FHIT: variants seen among roughly 807,000 people sequenced by gnomAD.
FHIT encodes fragile histidine triad diadenosine triphosphatase.
In FHIT, 19 loss-of-function variants were observed where a neutral mutation model predicts 17.9. The observed-to-expected ratio is 1.06, with a 90% confidence interval of 0.74 to 1.56. The LOEUF (loss-of-function observed/expected upper bound fraction) is 1.56, where lower values mean the gene tolerates loss of function less well. FHIT is among the 40% of genes most tolerant of loss of function. The pLI, the probability that FHIT is intolerant of heterozygous loss-of-function variation, is 0.00. For missense variants in FHIT, 248 were observed against 189.2 expected (o/e 1.31, Z -1.82); for synonymous variants, 81 against 69.7 (o/e 1.16, Z -0.81).
chr3:60,394,769 G>A (rs1269195684), intron 5 of FHIT, among the ~76,000 whole-genome samples: 1 of 152,154 alleles, frequency 6.6e-6, no homozygotes, highest in Non-Finnish European at 1.5e-5. Context: ...AACATTAACT[G>A]TGCTGCTGTC....
intron 2 of FHIT, among the ~76,000 whole-genome samples, chr3:61,193,466 G>A (rs531988091): frequency 6.6e-6 from 1 of 152,282 alleles, no homozygotes; most frequent in Admixed American, 6.5e-5. Context: ...GCCTCTCATG[G>A]TGACCAGAGT....
intron 8 of FHIT, among the ~76,000 whole-genome samples, chr3:59,894,197 A>T (rs921320661): frequency 1.1e-4 from 17 of 152,066 alleles, no homozygotes; most frequent in Non-Finnish European, 2.4e-4. Flanking sequence ...GTGAGCCATG[A>T]TCATACCACT....
At chr3:60,969,858 C>T (rs1199615645) in intron 3 of FHIT, among the ~76,000 whole-genome samples, 4 of 152,028 alleles carry the variant, frequency 2.6e-5, no homozygotes, top group Non-Finnish European at 5.9e-5. Context: ...TATATGTTTA[C>T]TGACTTTTTT....
At chr3:60,965,032 A>G (rs567527521) in intron 3 of FHIT, among the ~76,000 whole-genome samples, 1 of 152,284 alleles carries the variant, frequency 6.6e-6, no homozygotes, top group South Asian at 2.1e-4. Flanking sequence ...GTGTTTTCCA[A>G]CTTGGTTCCA....
At chr3:61,178,734 C>G (rs770540333) in intron 2 of FHIT, among the ~76,000 whole-genome samples, 1 of 151,902 alleles carries the variant, frequency 6.6e-6, no homozygotes, top group Non-Finnish European at 1.5e-5. Context: ...ACCTTTGGAA[C>G]CCTAGTATCT....
At chr3:60,202,191 C>G (rs1359535210) in intron 5 of FHIT, among the ~76,000 whole-genome samples, 1 of 152,140 alleles carries the variant, frequency 6.6e-6, no homozygotes, top group African/African-American at 2.4e-5. Context: ...TATCATTGTG[C>G]CTTTAAAGCA....
intron 7 of FHIT, among the ~76,000 whole-genome samples, chr3:59,946,261 A>AT (rs1396498574): frequency 2.0e-5 from 3 of 152,038 alleles, no homozygotes; most frequent in African/African-American, 4.8e-5. Context: ...TGTATTAGGT[A>AT]TTTTTTTGTG....
intron 3 of FHIT, among the ~76,000 whole-genome samples, chr3:61,000,875 G>A (rs188482948): frequency 1.3e-5 from 2 of 152,224 alleles, no homozygotes; most frequent in Non-Finnish European, 2.9e-5. Context: ...CTAGGGCAGC[G>A]ATGGGCAGTG....
At chr3:61,218,576 T>G (rs552514390) in intron 1 of FHIT, among the ~76,000 whole-genome samples, 1 of 152,108 alleles carries the variant, frequency 6.6e-6, no homozygotes, top group African/African-American at 2.4e-5. Context: ...AGGCCGAGTA[T>G]GTATCAAGGT....
At chr3:60,125,485 A>G (rs541999347) in intron 5 of FHIT, among the ~76,000 whole-genome samples, 168 of 152,100 alleles carry the variant, frequency 1.1e-3, no homozygotes, top group Middle Eastern at 3.4e-3. Flanking sequence ...TACAGAAATA[A>G]GCCAGGTGTG....
At chr3:60,256,013 A>G (rs532156790) in intron 5 of FHIT, among the ~76,000 whole-genome samples, 2 of 152,234 alleles carry the variant, frequency 1.3e-5, no homozygotes, top group East Asian at 3.9e-4. Context: ...TTGAAAAGGT[A>G]TTATGGTGAA....
chr3:61,241,749 G>A (rs1342747830), intron 1 of FHIT, among the ~76,000 whole-genome samples: 1 of 152,166 alleles, frequency 6.6e-6, no homozygotes, highest in African/African-American at 2.4e-5. Context: ...GACTCAGCAA[G>A]AGTCTTTAAG....
At chr3:60,528,320 TTTAA>T (rs544648610) in intron 5 of FHIT, among the ~76,000 whole-genome samples, 111 of 152,158 alleles carry the variant, frequency 7.3e-4, no homozygotes, top group Non-Finnish European at 1.2e-3. Context: ...AAAATATAAT[TTTAA>T]TTATTTAAAA....
intron 5 of FHIT, among the ~76,000 whole-genome samples, chr3:60,081,587 T>C (rs573394473): frequency 6.8e-4 from 103 of 152,300 alleles, no homozygotes; most frequent in Admixed American, 1.9e-3. Context: ...TTATTAACTA[T>C]GGATGGACTC....
intron 3 of FHIT, among the ~76,000 whole-genome samples, chr3:61,024,815 C>CTGTT (rs2032647753): frequency 6.6e-6 from 1 of 151,942 alleles, no homozygotes; most frequent in East Asian, 1.9e-4. Context: ...AACATTGCTT[C>CTGTT]TGTTAGTAAC....
chr3:60,791,844 C>T (rs895138704), intron 4 of FHIT, among the ~76,000 whole-genome samples: 3 of 152,154 alleles, frequency 2.0e-5, no homozygotes, highest in Admixed American at 6.5e-5. Context: ...AAAGTGAATG[C>T]TAACGTAGTC....
At chr3:59,826,944 T>G (rs1242727436) in intron 8 of FHIT, among the ~76,000 whole-genome samples, 1 of 152,238 alleles carries the variant, frequency 6.6e-6, no homozygotes, top group African/African-American at 2.4e-5. Context: ...TACACTTTCT[T>G]TTTTATATGC....
intron 4 of FHIT, among the ~76,000 whole-genome samples, chr3:60,552,723 T>C (rs1384893020): frequency 2.0e-5 from 3 of 152,216 alleles, no homozygotes; most frequent in South Asian, 2.1e-4. Flanking sequence ...TTAGACATGT[T>C]ACTTGGTGCC....
At position 60,861,776 on chromosome 3, in the gene FHIT, C is replaced by T. The variant is rs147560127; in HGVS notation, c.-110-39765G>A. 7.6e-3 allele frequency among the ~76,000 whole-genome samples: 1,161 copies of T among 151,946 alleles called. 7 individuals are homozygous for T. The highest frequency in any genetic ancestry group is 0.011 in the Non-Finnish European group (777 of 67,956). ...CTCAAAGTTATAGGAGACCAAAAAA[C>T]AAAGTAAGAACCAAAATAAATATAA... On this transcript the variant is annotated intron_variant, in intron 3 of 9. Coordinates refer to ENST00000492590, the MANE Select transcript of FHIT (RefSeq NM_002012.4).
Sources: allele counts gnomAD v4.1 joint callset (sites outside exome capture counted in the v4.1 genomes callset), GRCh38; gene constraint gnomAD v4.1.1; transcripts MANE v1.5; gene names NCBI Gene and HGNC (gene_info 2026-07-23, HGNC 2026-07-21).